COL18A1: variants seen among roughly 807,000 people sequenced by gnomAD.
COL18A1 encodes the protein collagen type XVIII alpha 1 chain, also known as collagen alpha-1(XVIII) chain.
A neutral mutation model predicts 168.0 loss-of-function variants in COL18A1; 133 were observed. The ratio of observed to expected loss-of-function variants is 0.79; its 90% CI spans 0.69 to 0.91. COL18A1 has a LOEUF of 0.91. COL18A1 is among the 40% of genes least tolerant of loss of function. The probability of loss-of-function intolerance (pLI) is 0.00; values close to 1 mark genes in which losing one functional copy is unlikely to be tolerated. For missense variants in COL18A1, 2,126 were observed against 1,925.4 expected (o/e 1.10, Z -1.95); for synonymous variants, 949 against 809.0 (o/e 1.17, Z -2.94).
chr21:45,511,198 G>A lies in COL18A1; in HGVS notation c.3781G>A (p.Gly1261Ser), dbSNP rs375269967. ...KPGARIFSFDGKDVLRHPTWP... is the reference protein window; with the variant it reads ...KPGARIFSFDSKDVLRHPTWP... ...CGGGGCACGCATCTTCTCCTTTGAC[G>A]GCAAGGACGTCCTGAGGCACCCCAC... is the stretch of plus-strand genomic sequence containing the variant. The change falls in exon 41 of 42, where the codon GGC becomes AGC. Residue 1261 changes from glycine to serine, a missense_variant. Transcript: ENST00000651438. 7.2e-5 allele frequency: 114 copies of A among 1,593,156 alleles called. No individual in the cohort carries two copies. The African/African-American group carries it at 7.5e-4, about 11-fold the overall frequency.
intron 2 of COL18A1, among the ~76,000 whole-genome samples, chr21:45,426,807 C>G (rs1395807287): frequency 1.3e-5 from 2 of 152,216 alleles, no homozygotes; most frequent in African/African-American, 2.4e-5. Context: ...TGTCTTTTCT[C>G]CTCTGTTGAG....
rs375719577 is a variant in COL18A1 at position 45,468,253 on chromosome 21, G to A, written c.118G>A (p.Glu40Lys). ...CTTTCTTTTTGCAGAGCGCATCAGCGAGGAGGTGGGGCTGCTGCAGCTCCT... is the reference window on the plus strand; with the variant it reads ...CTTTCTTTTTGCAGAGCGCATCAGCAAGGAGGTGGGGCTGCTGCAGCTCCT... ...AASAEPERISEEVGLLQLLGD... is the reference protein window; with the variant it reads ...AASAEPERISKEVGLLQLLGD... Residue 40 changes from glutamate (E) to lysine (K), a missense_variant, in exon 3 of 42, where the codon GAG becomes AAG. Transcript: ENST00000651438. The A allele has an allele frequency of 5.2e-5, 84 of 1,613,036 alleles. No individual in the cohort carries two copies. The Middle Eastern group carries it at 8.3e-4, about 16-fold the overall frequency.
chr21:45,432,258 G>C (rs2033984822), intron 2 of COL18A1, among the ~76,000 whole-genome samples: 1 of 152,228 alleles, frequency 6.6e-6, no homozygotes, highest in Non-Finnish European at 1.5e-5. Context: ...GGCTGGGCTG[G>C]CGGAGGTGGC....
chr21:45,496,217 C>T (rs2036538787), intron 29 of COL18A1: 2 of 636,494 alleles, frequency 3.1e-6, no homozygotes, highest in Non-Finnish European at 5.8e-6. Context: ...CAGGGTGGGG[C>T]ATTTTCAGTC....
intron 2 of COL18A1, among the ~76,000 whole-genome samples, chr21:45,428,168 C>T (rs976177460): frequency 6.6e-6 from 1 of 152,226 alleles, no homozygotes; most frequent in African/African-American, 2.4e-5. Flanking sequence ...CTCCTGCAGG[C>T]AGGCGGCGTC....
chr21:45,474,873 C>T (rs558103315), intron 4 of COL18A1, among the ~76,000 whole-genome samples: 4 of 152,230 alleles, frequency 2.6e-5, no homozygotes, highest in Non-Finnish European at 4.4e-5. Context: ...CCAATAAGCC[C>T]GTTGTTTTTG....
rs184206880 is a variant in COL18A1, at chr21:45,416,371, C to T, written c.106+10898C>T. 5.9e-5 allele frequency among the ~76,000 whole-genome samples: 9 copies of T among 152,104 alleles called. No individual in the cohort carries two copies. The East Asian group carries it at 1.7e-3, about 29-fold the overall frequency. On this transcript the variant is annotated intron_variant, in intron 2 of 41. Transcript: ENST00000651438. ...GGGGCCGGTGTGGGGGTGGCCGGGG[C>T]ACAGTCTCCCCACGCCTGGTGTCCT...
intron 29 of COL18A1, chr21:45,495,713 C>A: frequency 1.5e-5 from 6 of 389,700 alleles, no homozygotes; most frequent in Non-Finnish European, 2.8e-5. Context: ...CACGCGCACA[C>A]ATACACGCAC....
chr21:45,479,807 C>T (rs1179202087), intron 9 of COL18A1, 95 bp from the exon 10 acceptor site: 14 of 1,547,202 alleles, frequency 9.0e-6, no homozygotes, highest in Admixed American at 1.8e-5. Context: ...GCTCAGCTCC[C>T]GTCCGTCCCC....
intron 2 of COL18A1, among the ~76,000 whole-genome samples, chr21:45,418,376 C>T (rs1298463625): frequency 6.6e-6 from 1 of 152,110 alleles, no homozygotes; most frequent in Non-Finnish European, 1.5e-5. Context: ...CAGCTCAGTG[C>T]TGGGCTCATT....
chr21:45,423,110 G>A lies in COL18A1; in HGVS notation c.106+17637G>A, dbSNP rs978440867. On this transcript the variant is annotated intron_variant, in intron 2 of 41. Coordinates refer to ENST00000651438, the MANE Select transcript of COL18A1 (RefSeq NM_001379500.1). This position sits in a 1 kb window ranked among gnomAD's most constrained non-coding sequence, Gnocchi z 4.0. ...ATTATAGGTGTGAGCCACCGCACCC[G>A]GCCGAAGTGGTTTTAATGTCCCCAC... 1.3e-5 allele frequency among the ~76,000 whole-genome samples: 2 copies of A among 152,034 alleles called. No homozygotes were observed. The highest frequency in any genetic ancestry group is 6.6e-5 in the Admixed American group (1 of 15,250).
Position 45,480,680 on chromosome 21 carries a change from C to G in COL18A1, c.1453-20C>G. On this transcript the variant is annotated intron_variant, in intron 12 of 41. Transcript: ENST00000651438. ...TGGGTGCCACATGGGCTGTGACTAT[C>G]TGTGTTCGCCCACGTCCAGGGTCCT... is the stretch of plus-strand genomic sequence containing the variant. The G allele has an allele frequency of 6.2e-7, 1 of 1,610,914 alleles. No individual in the cohort carries two copies. Among genetic ancestry groups the G allele is most frequent in the Non-Finnish European group, 8.5e-7 (1 of 1,179,960 alleles).
intron 2 of COL18A1, among the ~76,000 whole-genome samples, chr21:45,458,848 G>A (rs1254920343): frequency 6.6e-6 from 1 of 152,222 alleles, no homozygotes; most frequent in African/African-American, 2.4e-5. Flanking sequence ...GCTGAGCACT[G>A]TGAGCAAGCT....
chr21:45,437,186 A>ACACT (rs148664871), intron 2 of COL18A1, among the ~76,000 whole-genome samples: 29,033 of 85,586 alleles, frequency 0.34, 6,835 homozygotes, highest in African/African-American at 0.53. Context: ...ACACACACTC[A>ACACT]CACAGACACA....
chr21:45,458,033 C>T (rs2034901007), intron 2 of COL18A1, among the ~76,000 whole-genome samples: 1 of 143,126 alleles, frequency 7.0e-6, no homozygotes, highest in African/African-American at 2.6e-5. Context: ...GGGCCACAGA[C>T]AGGGCAGGGA....
intron 2 of COL18A1, among the ~76,000 whole-genome samples, chr21:45,414,773 C>T (rs377683323): frequency 6.6e-6 from 1 of 152,244 alleles, no homozygotes; most frequent in African/African-American, 2.4e-5. Context: ...TCCGATCACA[C>T]GCATAGAAGG....
intron 32 of COL18A1, among the ~76,000 whole-genome samples, chr21:45,502,349 C>T (rs1275812161): frequency 6.6e-6 from 1 of 152,224 alleles, no homozygotes; most frequent in East Asian, 1.9e-4. Flanking sequence ...AAGGTCCCAC[C>T]TGGAAGGAGA....
At position 45,468,603 on chromosome 21, in the gene COL18A1, C is replaced by T. The variant is rs372556095; in HGVS notation, c.468C>T (p.Pro156=). 8.4e-5 allele frequency: 135 copies of T among 1,613,732 alleles called. No homozygotes were observed. In the African/African-American group the frequency reaches 1.1e-3, roughly 13 times the overall value. ...QTHTAASFRL[P]AFVGQWTHLA... ...ACACAGCCGCCAGCTTCCGGCTCCC[C>T]GCCTTCGTCGGCCAGTGGACACACT... The change falls in exon 3 of 42, where the codon CCC becomes CCT. Residue 156 remains proline (P), a synonymous_variant. Coordinates refer to ENST00000651438, the MANE Select transcript of COL18A1 (RefSeq NM_001379500.1).
intron 13 of COL18A1, among the ~76,000 whole-genome samples, 174 bp from the exon 14 acceptor site, chr21:45,481,789 G>A (rs538654922): frequency 6.6e-4 from 100 of 152,328 alleles, no homozygotes; most frequent in Non-Finnish European, 1.3e-3. Context: ...GCGAAACTGC[G>A]GGCTACGCAG....
Sources: gnomAD v4.1 joint callset for allele counts (sites outside exome capture counted in the v4.1 genomes callset) on GRCh38, gnomAD v4.1.1 for gene constraint, Gnocchi (gnomAD v3.1) non-coding constraint, MANE v1.5 for transcripts, NCBI Gene and HGNC (gene_info 2026-07-23, HGNC 2026-07-21) for gene names.